Variants in MYO18A observed in about 807,000 individuals in gnomAD.
MYO18A encodes myosin XVIIIA.
In MYO18A, 78 loss-of-function variants were observed where a neutral mutation model predicts 235.8. The observed-to-expected ratio is 0.33, with a 90% CI of 0.28 to 0.40. The LOEUF is 0.40. MYO18A is among the 10% of genes least tolerant of loss of function. The probability of loss-of-function intolerance (pLI) is 1.00; values close to 1 mark genes in which losing one functional copy is unlikely to be tolerated. For missense variants in MYO18A, 2,215 were observed against 2,699.3 expected (o/e 0.82, Z 3.98); for synonymous variants, 977 against 1,077.8 (o/e 0.91, Z 1.83).
Position 29,140,005 on chromosome 17 carries a change from T to C in MYO18A, c.1000-17752A>G, listed in dbSNP as rs1216187094. ...GGAATGAAGGCCAAAAAAGCACTAATGGTTGGTGGGGAAGGCGTGTCACAG... is the reference window on the plus strand; with the variant it reads ...GGAATGAAGGCCAAAAAAGCACTAACGGTTGGTGGGGAAGGCGTGTCACAG... On this transcript the variant is annotated intron_variant, in intron 2 of 41. Coordinates refer to ENST00000527372, the MANE Select transcript of MYO18A (RefSeq NM_078471.4). The surrounding 1 kb of genome is among the most constrained non-coding windows in gnomAD (Gnocchi z 4.2). 1.3e-5 allele frequency among the ~76,000 whole-genome samples: 2 copies of C among 152,114 alleles called. No homozygotes were observed. The highest frequency in any genetic ancestry group is 2.4e-5 in the African/African-American group (1 of 41,420).
Position 29,094,097 on chromosome 17 carries a change from GTGGT to G in MYO18A, c.4711-11_4711-8del, listed in dbSNP as rs775357055. ...TCTCCAGACGCAGCTTGGCCTGGAG[GTGGT>G]TGGAGTAGGGTCTGGGTTCCCTCCC... On this transcript the variant is annotated splice_polypyrimidine_tract_variant and splice_region_variant and intron_variant, in intron 30 of 41. Coordinates refer to ENST00000527372, the MANE Select transcript of MYO18A (RefSeq NM_078471.4). 1.3e-5 allele frequency: 20 copies of G among 1,593,902 alleles called. No individual in the cohort carries two copies. Among genetic ancestry groups the G allele is most frequent in the Non-Finnish European group, 1.7e-5 (20 of 1,169,944 alleles).
In MYO18A at chr17:29,173,073, A is replaced by G. The variant is rs527380276; in HGVS notation, c.-81-6052T>C. Among the ~76,000 whole-genome samples, 5 of 151,402 alleles carry G rather than the reference A, an allele frequency of 3.3e-5. No homozygotes were observed. In the East Asian group the frequency reaches 9.8e-4, roughly 30 times the overall value. ...AAACACAAATTGGTAGGTTGGTGCAAAAGTAATTATGGTTTTTGCCGTTAC... is the reference window on the plus strand; with the variant it reads ...AAACACAAATTGGTAGGTTGGTGCAGAAGTAATTATGGTTTTTGCCGTTAC... On this transcript the variant is annotated intron_variant, in intron 1 of 41. Coordinates refer to ENST00000527372, the MANE Select transcript of MYO18A (RefSeq NM_078471.4).
At chr17:29,093,028 C>A in intron 32 of MYO18A, 27 bp from the exon 33 acceptor site, 1 of 1,607,706 alleles carries the variant, frequency 6.2e-7, no homozygotes, top group Non-Finnish European at 8.5e-7. Flanking sequence ...AGTTGGGGTT[C>A]TGGGCTCTGC....
chr17:29,089,654 G>A (rs552658133), intron 37 of MYO18A, among the ~76,000 whole-genome samples: 1 of 152,284 alleles, frequency 6.6e-6, no homozygotes, highest in Non-Finnish European at 1.5e-5. Flanking sequence ...CCAGAGAACC[G>A]GTTGAGGGGA....
chr17:29,109,757 A>G lies in MYO18A; in HGVS notation c.3331+101T>C. ...AGAAAGGATCGTGAGGAAAGACAGG[A>G]GCAGCCCCACTGCAGCCCACGGGTC... On this transcript the variant is annotated intron_variant, in intron 19 of 41. Transcript: ENST00000527372. The surrounding 1 kb of genome is among the most constrained non-coding windows in gnomAD (Gnocchi z 4.1). 2 of 1,402,454 alleles carry G rather than the reference A, an allele frequency of 1.4e-6. No individual in the cohort carries two copies. Among genetic ancestry groups the G allele is most frequent in the Non-Finnish European group, 1.9e-6 (2 of 1,030,308 alleles). The allele number at this position is 1,402,454 out of a possible 1,614,324, so 86.9% of individuals were successfully genotyped here.
At chr17:29,110,942 T>C (rs189996520) in intron 17 of MYO18A, among the ~76,000 whole-genome samples, 1 of 152,330 alleles carries the variant, frequency 6.6e-6, no homozygotes, top group Admixed American at 6.5e-5. Flanking sequence ...CAGGAGGGGT[T>C]AGGGTTCAAC....
At chr17:29,145,884 CCAA>C (rs2067837369) in intron 2 of MYO18A, among the ~76,000 whole-genome samples, 1 of 152,038 alleles carries the variant, frequency 6.6e-6, no homozygotes, top group Admixed American at 6.6e-5. Context: ...TGGAGCTAGG[CCAA>C]TGAAAGAGAG....
chr17:29,078,491 CCATT>C (rs1252090800), intron 41 of MYO18A: 2 of 152,298 alleles, frequency 1.3e-5, no homozygotes, highest in African/African-American at 4.8e-5. Flanking sequence ...TTGGTATAAT[CCATT>C]CAAAGTCAGC....
At position 29,092,476 on chromosome 17, in the gene MYO18A, G is replaced by C; in HGVS notation, c.5074-20C>G. On this transcript the variant is annotated intron_variant, in intron 33 of 41. Coordinates refer to ENST00000527372, the MANE Select transcript of MYO18A (RefSeq NM_078471.4). ...CTCCAGCTGGACACAGACCACCCCCGCCCCAGGGAGAGATGTCAGCCATTC... is the reference window on the plus strand; with the variant it reads ...CTCCAGCTGGACACAGACCACCCCCCCCCCAGGGAGAGATGTCAGCCATTC... 1 of 1,586,726 alleles carries C rather than the reference G, an allele frequency of 6.3e-7. No homozygotes were observed. Among genetic ancestry groups the C allele is most frequent in the Admixed American group, 1.7e-5 (1 of 58,806 alleles).
At chr17:29,159,290 C>A (rs1475750768) in intron 2 of MYO18A, among the ~76,000 whole-genome samples, 2 of 152,046 alleles carry the variant, frequency 1.3e-5, no homozygotes, top group Admixed American at 1.3e-4. Flanking sequence ...TTTCACCCAC[C>A]ACGTCCCATG....
At chr17:29,115,476 C>A in intron 12 of MYO18A, 35 bp from the exon 13 acceptor site, 1 of 1,597,986 alleles carries the variant, frequency 6.3e-7, no homozygotes, top group Admixed American at 1.7e-5. Flanking sequence ...ATCTCCTTCT[C>A]CCCAGGGCTC....
At chr17:29,177,901 C>T (rs1567653934) in intron 1 of MYO18A, among the ~76,000 whole-genome samples, 1 of 152,164 alleles carries the variant, frequency 6.6e-6, no homozygotes, top group Admixed American at 6.5e-5. Context: ...GGATTAAGAA[C>T]AGCCCTGCTG....
At position 29,158,235 on chromosome 17, in the gene MYO18A, C is replaced by T. The variant is rs1285578394; in HGVS notation, c.999+7707G>A. Reference sequence around the variant, plus strand: ...GCCCTGGCCCAGAGTCTGTGCAAAGCAACCGGGCTGAGTCGCACCAGGGCA... The same window carrying T: ...GCCCTGGCCCAGAGTCTGTGCAAAGTAACCGGGCTGAGTCGCACCAGGGCA... On this transcript the variant is annotated intron_variant, in intron 2 of 41. Coordinates refer to ENST00000527372, the MANE Select transcript of MYO18A (RefSeq NM_078471.4). The surrounding 1 kb of genome is among the most constrained non-coding windows in gnomAD (Gnocchi z 4.3). 2.0e-5 allele frequency among the ~76,000 whole-genome samples: 3 copies of T among 152,196 alleles called. No individual in the cohort carries two copies. Among genetic ancestry groups the T allele is most frequent in the African/African-American group, 7.2e-5 (3 of 41,450 alleles).
rs2152853827 is a variant in MYO18A at position 29,120,045 on chromosome 17, T to C, written c.1728+571A>G. ...CGTGCACTACCACATCTGGCTCAAT[T>C]AAGCAGGTGCATCTTATTCCCAAGG... On this transcript the variant is annotated intron_variant, in intron 7 of 41. Coordinates refer to ENST00000527372, the MANE Select transcript of MYO18A (RefSeq NM_078471.4). The surrounding 1 kb of genome is among the most constrained non-coding windows in gnomAD (Gnocchi z 4.2). 6.6e-6 allele frequency among the ~76,000 whole-genome samples: 1 copy of C among 152,286 alleles called. No individual in the cohort carries two copies. Among genetic ancestry groups the C allele is most frequent in the Middle Eastern group, 3.4e-3 (1 of 294 alleles).
intron 1 of MYO18A, among the ~76,000 whole-genome samples, chr17:29,172,809 C>A (rs2068434969): frequency 6.6e-6 from 1 of 152,188 alleles, no homozygotes; most frequent in Non-Finnish European, 1.5e-5. Context: ...CTGGATCACA[C>A]TGGCTTGAGT....
At chr17:29,080,731 C>G in intron 41 of MYO18A, 1 of 985,562 alleles carries the variant, frequency 1.0e-6, no homozygotes, top group Non-Finnish European at 1.2e-6. Flanking sequence ...CGGCCCCCGG[C>G]CAGCGCGCCC....
rs1448665889 is a variant in MYO18A, at chr17:29,072,425, G to A, written c.*2345C>T. 6.6e-6 allele frequency: 1 copy of A among 152,174 alleles called. No homozygotes were observed. The highest frequency in any genetic ancestry group is 2.4e-5 in the African/African-American group (1 of 41,394). The allele number at this position is 152,174 out of a possible 1,614,324, so 9.4% of individuals were successfully genotyped here. A position where few individuals can be genotyped will look rare whatever the true frequency, so the allele number is the denominator to read the frequency against. On this transcript the variant is annotated 3_prime_UTR_variant, in exon 42 of 42. Coordinates refer to ENST00000527372, the MANE Select transcript of MYO18A (RefSeq NM_078471.4). ...CTGTTAAGTCCCAGCTACTCGGAGGGTTTAGGCAGGAGAATCGCTTGAACC... is the reference window on the plus strand; with the variant it reads ...CTGTTAAGTCCCAGCTACTCGGAGGATTTAGGCAGGAGAATCGCTTGAACC...
chr17:29,121,554 G>A lies in MYO18A; in HGVS notation c.1364C>T (p.Ser455Phe), dbSNP rs1328402734. 1 of 1,602,694 alleles carries A rather than the reference G, an allele frequency of 6.2e-7. No homozygotes were observed. The highest frequency in any genetic ancestry group is 8.5e-7 in the Non-Finnish European group (1 of 1,175,302). Residue 455 changes from serine (S) to phenylalanine (F), a missense_variant, in exon 5 of 42, where the codon TCT becomes TTT. Coordinates refer to ENST00000527372, the MANE Select transcript of MYO18A (RefSeq NM_078471.4). This position sits in a 1 kb window ranked among gnomAD's most constrained non-coding sequence, Gnocchi z 4.2. The stretch of plus-strand genomic sequence containing the variant: ...GCCTTGAGGGTGCTGCACCTTCTCA[G>A]AGTACACAGCAGGGGCCCCACGGGG... Reference protein sequence around the residue: ...LGPRGAPAVYSEKVMHMFKGC... With the variant: ...LGPRGAPAVYFEKVMHMFKGC...
rs530810023 is a variant in MYO18A at position 29,126,270 on chromosome 17, G to A, written c.1000-4017C>T. ...GTGGCTAAACTCCAGGTCAGGGCAT[G>A]TCTCAGCTCCCATCTCCTCCCTTGT... is the stretch of plus-strand genomic sequence containing the variant. On this transcript the variant is annotated intron_variant, in intron 2 of 41. Coordinates refer to ENST00000527372, the MANE Select transcript of MYO18A (RefSeq NM_078471.4). This position sits in a 1 kb window ranked among gnomAD's most constrained non-coding sequence, Gnocchi z 4.1. 1.3e-5 allele frequency among the ~76,000 whole-genome samples: 2 copies of A among 149,154 alleles called. No individual in the cohort carries two copies. Among genetic ancestry groups the A allele is most frequent in the South Asian group, 4.5e-4 (2 of 4,476 alleles).
Sources: allele counts gnomAD v4.1 joint callset (sites outside exome capture counted in the v4.1 genomes callset), GRCh38; gene constraint gnomAD v4.1.1; non-coding constraint Gnocchi (gnomAD v3.1); transcripts MANE v1.5; gene names NCBI Gene and HGNC (gene_info 2026-07-23, HGNC 2026-07-21).